The following AADACL2 variants were observed in gnomAD, a reference collection of about 807,000 sequenced individuals.
AADACL2 encodes arylacetamide deacetylase like 2.
In AADACL2, 23 loss-of-function variants were observed where a neutral mutation model predicts 22.3. That is an observed-to-expected ratio of 1.03 (90% confidence interval 0.74 to 1.46). The LOEUF (loss-of-function observed/expected upper bound fraction) is 1.46, where lower values mean the gene tolerates loss of function less well. Ranked by LOEUF, AADACL2 falls within the 40% of genes most tolerant of loss-of-function variation. The pLI, the probability that AADACL2 is intolerant of heterozygous loss-of-function variation, is 0.00. For synonymous variants in AADACL2, 177 were observed against 166.2 expected, an observed-to-expected ratio of 1.07 and a Z score of -0.50; for missense variants, 472 against 482.9, an observed-to-expected ratio of 0.98 and a Z score of 0.21.
rs1714050224 is a variant in AADACL2, at chr3:151,758,819, G to A, written c.*1225G>A. On this transcript the variant is annotated 3_prime_UTR_variant, in exon 5 of 5. Coordinates refer to ENST00000356517, the MANE Select transcript of AADACL2 (RefSeq NM_207365.4). ...AGAAGTTAAAAATGTAGTAAGAAAT[G>A]TGTATATGTATGAGTATGTGCATGT... The A allele has an allele frequency of 2.0e-5, 3 of 152,142 alleles. No individual in the cohort carries two copies. The South Asian group carries it at 6.2e-4, about 32-fold the overall frequency. The allele number at this position is 152,142 out of a possible 1,614,324, so 9.4% of individuals were successfully genotyped here.
chr3:151,757,714 C>A lies in AADACL2; in HGVS notation c.*120C>A. On this transcript the variant is annotated 3_prime_UTR_variant, in exon 5 of 5. Coordinates refer to ENST00000356517, the MANE Select transcript of AADACL2 (RefSeq NM_207365.4). ...AAATCTACATTTGCAACATTTGTAG[C>A]AGTTAATGTGTGTCCTTGAAGAGTT... The A allele has an allele frequency of 7.8e-7, 1 of 1,275,732 alleles. No homozygotes were observed. Among genetic ancestry groups the A allele is most frequent in the South Asian group, 1.5e-5 (1 of 64,990 alleles). 79.0% of individuals were successfully genotyped at this position (1,275,732 alleles called of 1,614,324 possible).
chr3:151,745,786 C>T (rs1713424995), intron 4 of AADACL2, 106 bp downstream of exon 4: 1 of 1,170,722 alleles, frequency 8.5e-7, no homozygotes, highest in Non-Finnish European at 1.2e-6. Flanking sequence ...ACCATTCTTT[C>T]CCATTGAATT....
In AADACL2 at chr3:151,757,348, G is replaced by GT; in HGVS notation, c.962dup (p.Leu321PhefsTer4). The GT allele has an allele frequency of 1.2e-6, 2 of 1,613,688 alleles. No individual in the cohort carries two copies. The highest frequency in any genetic ancestry group is 4.5e-5 in the East Asian group (2 of 44,872). ...TTACAGACAGCAGAGCATTACCCTT[G>GT]TTGGCCAATGATTCTCAGTTACAGA... is the stretch of plus-strand genomic sequence containing the variant. On this transcript the variant is annotated frameshift_variant, in exon 5 of 5. Transcript: ENST00000356517. LOFTEE classifies it low-confidence loss of function (END_TRUNC).
In AADACL2 at chr3:151,757,028, A is replaced by G; in HGVS notation, c.640A>G (p.Met214Val). The change falls in exon 5 of 5, where the codon ATG becomes GTG. Residue 214 changes from methionine to valine, a missense_variant. Physicochemically the swap from Met to Val is conservative, Grantham distance 21 (BLOSUM62 1). This residue lies in a region of AADACL2 where 356 missense variants were observed against 365.5 expected (regional missense o/e 0.97). Coordinates refer to ENST00000356517, the MANE Select transcript of AADACL2 (RefSeq NM_207365.4). Reference protein sequence around the residue: ...NDAEIKHKIKMQVLLYPGLQI... With the variant: ...NDAEIKHKIKVQVLLYPGLQI... ...TGCTGAAATAAAACATAAAATCAAG[A>G]TGCAAGTCTTACTTTACCCTGGCTT... 1 of 1,609,890 alleles carries G rather than the reference A, an allele frequency of 6.2e-7. No individual in the cohort carries two copies. Among genetic ancestry groups the G allele is most frequent in the Non-Finnish European group, 8.5e-7 (1 of 1,178,824 alleles).
intron 1 of AADACL2, 70 bp downstream of exon 1, chr3:151,734,243 ACT>A: frequency 6.7e-7 from 1 of 1,492,750 alleles, no homozygotes; most frequent in Non-Finnish European, 9.0e-7. Context: ...GTGCTTATGA[ACT>A]CTTTTATTAA....
intron 1 of AADACL2, among the ~76,000 whole-genome samples, chr3:151,735,222 C>A (rs184957965): frequency 1.3e-5 from 2 of 152,294 alleles, no homozygotes; most frequent in East Asian, 3.9e-4. Flanking sequence ...AGAGAAAATA[C>A]TATGCTCCCT....
At chr3:151,749,585 C>A (rs1421252837) in intron 4 of AADACL2, among the ~76,000 whole-genome samples, 1 of 152,070 alleles carries the variant, frequency 6.6e-6, no homozygotes, top group African/African-American at 2.4e-5. Flanking sequence ...CGGGTTCATG[C>A]CATTCTCCTG....
chr3:151,741,795 A>ACAGG lies in AADACL2; in HGVS notation c.361+928_361+931dup, dbSNP rs372017517. Among the ~76,000 whole-genome samples the ACAGG allele has an allele frequency of 4.0e-3, 609 of 152,228 alleles. 5 individuals carry two copies. Among genetic ancestry groups the ACAGG allele is most frequent in the Admixed American group, 0.011 (162 of 15,286 alleles). On this transcript the variant is annotated intron_variant, in intron 2 of 4. Coordinates refer to ENST00000356517, the MANE Select transcript of AADACL2 (RefSeq NM_207365.4). ...GTAAGCACAAAAGAAATGGCCACTGACAGGAAAATATCACTTTGATTGAAA... is the reference window on the plus strand; with the variant it reads ...GTAAGCACAAAAGAAATGGCCACTGACAGGCAGGAAAATATCACTTTGATTGAAA...
chr3:151,757,347 T>C lies in AADACL2; in HGVS notation c.959T>C (p.Leu320Ser). The C allele has an allele frequency of 1.2e-6, 2 of 1,613,798 alleles. No homozygotes were observed. Among genetic ancestry groups the C allele is most frequent in the Non-Finnish European group, 1.7e-6 (2 of 1,179,722 alleles). The change falls in exon 5 of 5, where the codon TTG (leucine) becomes TCG (serine). Residue 320 changes from leucine (L) to serine (S), a missense_variant. This residue lies in a region of AADACL2 where 113 missense variants were observed against 100.9 expected (regional missense o/e 1.12). Transcript: ENST00000356517. ...CTTACAGACAGCAGAGCATTACCCT[T>C]GTTGGCCAATGATTCTCAGTTACAG... The part of the protein sequence containing the change: ...PGLTDSRALP[L>S]LANDSQLQNL...
chr3:151,750,059 TTTTGTCAAGTCA>T (rs1713606105), intron 4 of AADACL2, among the ~76,000 whole-genome samples: 1 of 152,194 alleles, frequency 6.6e-6, no homozygotes, highest in Admixed American at 6.5e-5. Flanking sequence ...AGATATTGCA[TTTTGTCAAGTCA>T]TTTTTGCATC....
intron 4 of AADACL2, among the ~76,000 whole-genome samples, chr3:151,753,793 A>G (rs1307811604): frequency 1.3e-5 from 2 of 152,142 alleles, no homozygotes; most frequent in African/African-American, 2.4e-5. Flanking sequence ...AGGAATTTGA[A>G]TAACACACAC....
At chr3:151,747,691 A>C (rs1440446363) in intron 4 of AADACL2, among the ~76,000 whole-genome samples, 1 of 151,900 alleles carries the variant, frequency 6.6e-6, no homozygotes, top group African/African-American at 2.4e-5. Flanking sequence ...TCCGGCTGAC[A>C]AACAGTTTGA....
chr3:151,748,086 T>A (rs1484210433), intron 4 of AADACL2, among the ~76,000 whole-genome samples: 1 of 151,396 alleles, frequency 6.6e-6, no homozygotes, highest in Non-Finnish European at 1.5e-5. Flanking sequence ...TGTTGATTGT[T>A]TCTTTTTTCG....
intron 1 of AADACL2, among the ~76,000 whole-genome samples, chr3:151,735,329 A>G (rs947492249): frequency 1.3e-5 from 2 of 152,228 alleles, no homozygotes; most frequent in Admixed American, 6.5e-5. Context: ...AGACAAGGAA[A>G]TTGAGCTACA....
chr3:151,734,267 T>A, intron 1 of AADACL2, 94 bp downstream of exon 1: 4 of 1,283,684 alleles, frequency 3.1e-6, no homozygotes, highest in Non-Finnish European at 4.2e-6. Context: ...AGTATTAATA[T>A]CACCATTTTG....
intron 4 of AADACL2, among the ~76,000 whole-genome samples, chr3:151,746,905 G>GTT (rs11373414): frequency 0.045 from 6,504 of 145,400 alleles, 493 homozygotes; most frequent in African/African-American, 0.15. Context: ...TTTTTGTCAG[G>GTT]TTTTTTTTTT....
At chr3:151,747,721 T>G (rs1026865650) in intron 4 of AADACL2, among the ~76,000 whole-genome samples, 1 of 152,122 alleles carries the variant, frequency 6.6e-6, no homozygotes, top group Non-Finnish European at 1.5e-5. Flanking sequence ...TTGGCTATTG[T>G]GAATACTGCT....
chr3:151,744,437 C>T (rs1436623134), intron 3 of AADACL2, among the ~76,000 whole-genome samples: 1 of 151,974 alleles, frequency 6.6e-6, no homozygotes, highest in African/African-American at 2.4e-5. Flanking sequence ...CTAGTAGTGT[C>T]CCAAGTAACA....
chr3:151,738,234 C>T (rs9826093), intron 1 of AADACL2, among the ~76,000 whole-genome samples: 53,803 of 151,686 alleles, frequency 0.35, 9,718 homozygotes, highest in Middle Eastern at 0.5. Flanking sequence ...GAAAAGATTT[C>T]ATTTCTCCTT....
Sources: allele counts gnomAD v4.1 joint callset (sites outside exome capture counted in the v4.1 genomes callset), GRCh38; gene constraint gnomAD v4.1.1; regional missense constraint gnomAD v4.1.1; transcripts MANE v1.5; gene names NCBI Gene and HGNC (gene_info 2026-07-23, HGNC 2026-07-21).